The following HDAC9 variants were observed in gnomAD, a reference collection of about 807,000 sequenced individuals.
HDAC9 encodes the protein MEF-2 interacting transcription repressor (MITR) protein.
A neutral mutation model predicts 139.4 loss-of-function variants in HDAC9; 41 were observed. That is an observed-to-expected ratio of 0.29 (90% CI 0.23 to 0.38). The LOEUF (loss-of-function observed/expected upper bound fraction) is 0.38, where lower values mean the gene tolerates loss of function less well. Ranked by LOEUF, HDAC9 falls within the 10% of genes least tolerant of loss-of-function variation. The pLI is 1.00. For synonymous variants in HDAC9, 517 were observed against 476.2 expected (o/e 1.09, Z -1.12); for missense variants, 1,147 against 1,297.0 (o/e 0.88, Z 1.78).
intron 1 of HDAC9, among the ~76,000 whole-genome samples, chr7:18,370,011 GACTT>G (rs543437929): frequency 6.6e-6 from 1 of 152,058 alleles, no homozygotes; most frequent in Non-Finnish European, 1.5e-5. Flanking sequence ...AGATGTTTAA[GACTT>G]ACTTTTCCAG....
intron 1 of HDAC9, among the ~76,000 whole-genome samples, chr7:18,116,466 T>A (rs1783989468): frequency 6.6e-6 from 1 of 152,142 alleles, no homozygotes. Context: ...AAAATGTGAT[T>A]GATATTCAGT....
chr7:18,674,307 C>T (rs1182112783), intron 12 of HDAC9, among the ~76,000 whole-genome samples: 7 of 151,982 alleles, frequency 4.6e-5, no homozygotes, highest in Non-Finnish European at 1.0e-4. Context: ...ATACCATTTT[C>T]CCATTTTCTG....
intron 23 of HDAC9, among the ~76,000 whole-genome samples, 199 bp downstream of exon 23, chr7:18,936,141 T>C (rs1781616817): frequency 6.6e-6 from 1 of 152,216 alleles, no homozygotes; most frequent in Admixed American, 6.5e-5. Context: ...CACATAGCAC[T>C]CACTCCCTTC....
intron 2 of HDAC9, among the ~76,000 whole-genome samples, chr7:18,545,168 G>T (rs1306358065): frequency 6.6e-6 from 1 of 152,180 alleles, no homozygotes; most frequent in African/African-American, 2.4e-5. Flanking sequence ...GGACATAGGA[G>T]TGCCGTAGGA....
At chr7:18,909,655 G>C (rs1363263448) in intron 22 of HDAC9, among the ~76,000 whole-genome samples, 7 of 151,728 alleles carry the variant, frequency 4.6e-5, no homozygotes. Flanking sequence ...TTAAATTTTA[G>C]ATTCATTACA....
intron 2 of HDAC9, among the ~76,000 whole-genome samples, chr7:18,584,503 A>G (rs1323204609): frequency 6.6e-6 from 1 of 152,208 alleles, no homozygotes; most frequent in Non-Finnish European, 1.5e-5. Context: ...ATTTGTATAA[A>G]TTTAAATATT....
intron 1 of HDAC9, among the ~76,000 whole-genome samples, chr7:18,386,556 G>A (rs897976898): frequency 1.3e-5 from 2 of 152,088 alleles, no homozygotes; most frequent in South Asian, 2.1e-4. Flanking sequence ...GGTCACGCTC[G>A]CCTTGAACCT....
chr7:18,589,570 G>T (rs1830380839), intron 3 of HDAC9, among the ~76,000 whole-genome samples: 1 of 152,020 alleles, frequency 6.6e-6, no homozygotes, highest in Non-Finnish European at 1.5e-5. Context: ...GTGCAAGAAT[G>T]CATCATATTC....
intron 1 of HDAC9, among the ~76,000 whole-genome samples, chr7:18,106,039 G>T (rs898433932): frequency 3.9e-5 from 6 of 152,120 alleles, no homozygotes; most frequent in African/African-American, 1.4e-4. Context: ...GTAGAATAGT[G>T]GTTGCCTGAG....
chr7:18,585,166 A>G, intron 2 of HDAC9, 115 bp from the exon 3 acceptor site: 1 of 1,143,628 alleles, frequency 8.7e-7, no homozygotes, highest in Non-Finnish European at 1.3e-6. Context: ...AGTCATTGGC[A>G]TAAAATTTGT....
At chr7:18,338,178 A>G (rs564113584) in intron 1 of HDAC9, among the ~76,000 whole-genome samples, 117 of 151,856 alleles carry the variant, frequency 7.7e-4, no homozygotes, top group African/African-American at 2.7e-3. Flanking sequence ...TGCACAGGCT[A>G]TGAAGATACA....
chr7:18,781,829 AAGT>A (rs1171871250), intron 16 of HDAC9, among the ~76,000 whole-genome samples: 2 of 152,100 alleles, frequency 1.3e-5, no homozygotes, highest in African/African-American at 4.8e-5. Context: ...TAGAAGATGA[AAGT>A]AGATAATTTT....
intron 22 of HDAC9, among the ~76,000 whole-genome samples, chr7:18,894,103 A>G (rs1397315554): frequency 6.6e-6 from 1 of 152,164 alleles, no homozygotes; most frequent in Non-Finnish European, 1.5e-5. Context: ...GTGGGAATGG[A>G]GTAAAGGATG....
At chr7:18,984,950 C>T (rs533358592) in intron 25 of HDAC9, among the ~76,000 whole-genome samples, 1 of 152,082 alleles carries the variant, frequency 6.6e-6, no homozygotes, top group Non-Finnish European at 1.5e-5. Flanking sequence ...GCTTTTATTT[C>T]TGCACAGCCT....
chr7:18,224,616 A>G (rs1205360867), intron 2 of HDAC9, among the ~76,000 whole-genome samples: 1 of 152,172 alleles, frequency 6.6e-6, no homozygotes, highest in Non-Finnish European at 1.5e-5. Flanking sequence ...GCACAGAAAC[A>G]TCACACACAT....
intron 2 of HDAC9, among the ~76,000 whole-genome samples, chr7:18,578,630 A>G (rs1054979489): frequency 5.3e-5 from 8 of 152,256 alleles, no homozygotes; most frequent in African/African-American, 1.9e-4. Context: ...GGCAAAGAAC[A>G]TAACCAATAG....
chr7:18,655,221 C>G (rs1339600845), intron 11 of HDAC9, among the ~76,000 whole-genome samples: 1 of 152,112 alleles, frequency 6.6e-6, no homozygotes, highest in East Asian at 1.9e-4. Flanking sequence ...TCTCTCCATC[C>G]ATTTGACAGC....
At chr7:18,274,153 A>C (rs1796563942) in intron 2 of HDAC9, among the ~76,000 whole-genome samples, 1 of 152,188 alleles carries the variant, frequency 6.6e-6, no homozygotes, top group Non-Finnish European at 1.5e-5. Context: ...TCATAATATT[A>C]AAAAAATAGA....
At chr7:18,644,390 G>A (rs1187063297) in intron 8 of HDAC9, among the ~76,000 whole-genome samples, 2 of 151,996 alleles carry the variant, frequency 1.3e-5, no homozygotes, top group Admixed American at 6.6e-5. Flanking sequence ...TACTTTATCA[G>A]CAGATGACAA....
Sources: allele counts gnomAD v4.1 joint callset (sites outside exome capture counted in the v4.1 genomes callset), GRCh38; gene constraint gnomAD v4.1.1; transcripts MANE v1.5; gene names NCBI Gene and HGNC (gene_info 2026-07-23, HGNC 2026-07-21).